SGCD: variants seen among roughly 807,000 people sequenced by gnomAD.
SGCD encodes the protein sarcoglycan delta.
SGCD carries 18 observed loss-of-function variants against 36.6 expected under a neutral mutation model. The ratio of observed to expected loss-of-function variants is 0.49; its 90% CI spans 0.34 to 0.73. The LOEUF is 0.73. Ranked by LOEUF, SGCD falls within the 30% of genes least tolerant of loss-of-function variation. The pLI is 0.01. For synonymous variants in SGCD, 133 were observed against 130.6 expected, an observed-to-expected ratio of 1.02 and a Z score of -0.12; for missense variants, 387 against 346.7, an observed-to-expected ratio of 1.12 and a Z score of -0.92.
chr5:156,329,775 T>C (rs1561623133), intron 2 of SGCD, among the ~76,000 whole-genome samples, 196 bp downstream of exon 2: 1 of 152,102 alleles, frequency 6.6e-6, no homozygotes, highest in Non-Finnish European at 1.5e-5. Flanking sequence ...CCCAGCACTT[T>C]GGGAGGCCGA....
intron 1 of SGCD, among the ~76,000 whole-genome samples, chr5:156,085,438 G>A (rs1761069128): frequency 6.6e-6 from 1 of 152,094 alleles, no homozygotes; most frequent in Non-Finnish European, 1.5e-5. Flanking sequence ...TCTGGCTTTT[G>A]CCATGTGAAG....
At chr5:156,077,658 C>G (rs973185142) in intron 1 of SGCD, among the ~76,000 whole-genome samples, 1 of 152,136 alleles carries the variant, frequency 6.6e-6, no homozygotes, top group African/African-American at 2.4e-5. Flanking sequence ...TCTCCTTCTT[C>G]TCCTCTCCAA....
intron 1 of SGCD, among the ~76,000 whole-genome samples, chr5:156,092,064 A>G (rs985186659): frequency 2.0e-5 from 3 of 152,222 alleles, no homozygotes; most frequent in East Asian, 1.9e-4. Context: ...GGCTGTTATC[A>G]GTGTTTCTTT....
intron 3 of SGCD, among the ~76,000 whole-genome samples, chr5:156,417,249 A>G (rs962578147): frequency 3.1e-4 from 47 of 152,184 alleles, no homozygotes; most frequent in South Asian, 1.0e-3. Context: ...CAAATGCCAC[A>G]TGTATACTTC....
intron 4 of SGCD, among the ~76,000 whole-genome samples, chr5:156,547,495 T>G (rs1340221099): frequency 1.3e-5 from 2 of 151,336 alleles, no homozygotes; most frequent in African/African-American, 4.9e-5. Context: ...CAGGCTGGAG[T>G]GCAGTGGTGC....
At chr5:155,996,853 CTGGA>C (rs201390010) in intron 1 of SGCD, among the ~76,000 whole-genome samples, 3 of 101,954 alleles carry the variant, frequency 2.9e-5, no homozygotes, top group African/African-American at 9.0e-5. Flanking sequence ...AATCTGATAT[CTGGA>C]TGGATGGATA....
At chr5:155,814,823 A>G in the SGCD span, among the ~76,000 whole-genome samples, 29 of 152,338 alleles carry the variant, frequency 1.9e-4, no homozygotes, top group East Asian at 5.6e-3. Context: ...AGTTACTACT[A>G]TTTTAGGAAA....
chr5:156,476,889 G>T (rs1755204383), intron 3 of SGCD, among the ~76,000 whole-genome samples: 1 of 152,126 alleles, frequency 6.6e-6, no homozygotes. Context: ...GGTTTGTCTT[G>T]AAATAGATCT....
At chr5:155,925,583 A>AT (rs1756980180) in intron 1 of SGCD, among the ~76,000 whole-genome samples, 1 of 151,940 alleles carries the variant, frequency 6.6e-6, no homozygotes, top group African/African-American at 2.4e-5. Flanking sequence ...TTCATATGGC[A>AT]TTTTGTTTGT....
chr5:156,082,937 T>A (rs570242600), intron 1 of SGCD, among the ~76,000 whole-genome samples: 1 of 152,012 alleles, frequency 6.6e-6, no homozygotes, highest in Non-Finnish European at 1.5e-5. Flanking sequence ...TTGTCGCTAA[T>A]TTTTTTTTTA....
At chr5:155,850,960 G>T in the SGCD span, among the ~76,000 whole-genome samples, 1 of 152,114 alleles carries the variant, frequency 6.6e-6, no homozygotes, top group East Asian at 1.9e-4. Flanking sequence ...ATGGGGTTGG[G>T]GGAAGTCTAG....
intron 3 of SGCD, among the ~76,000 whole-genome samples, chr5:156,204,006 A>G (rs1764211156): frequency 6.6e-6 from 1 of 152,156 alleles, no homozygotes. Context: ...CCAAGTTCTC[A>G]TCAAACTTAT....
At chr5:156,447,806 TAAAATA>T (rs1444379034) in intron 3 of SGCD, among the ~76,000 whole-genome samples, 1 of 152,176 alleles carries the variant, frequency 6.6e-6, no homozygotes, top group Non-Finnish European at 1.5e-5. Flanking sequence ...TCCCAGAACT[TAAAATA>T]AAAGTCATAG....
At chr5:155,988,097 G>A (rs116239456) in intron 1 of SGCD, among the ~76,000 whole-genome samples, 1,902 of 152,238 alleles carry the variant, frequency 0.012, 17 homozygotes, top group Non-Finnish European at 0.017. Flanking sequence ...GGCAGAAGAT[G>A]AGTTTAAACC....
At chr5:156,339,313 G>A (rs1172154709) in intron 2 of SGCD, among the ~76,000 whole-genome samples, 3 of 152,138 alleles carry the variant, frequency 2.0e-5, no homozygotes, top group Non-Finnish European at 2.9e-5. Flanking sequence ...TTATGAACAG[G>A]TCAACATTGA....
At chr5:156,419,260 T>C (rs1321950211) in intron 3 of SGCD, among the ~76,000 whole-genome samples, 1 of 152,150 alleles carries the variant, frequency 6.6e-6, no homozygotes, top group East Asian at 1.9e-4. Context: ...CAGCAAGAGA[T>C]GTATTTATCT....
intron 3 of SGCD, among the ~76,000 whole-genome samples, chr5:156,234,752 C>T: frequency 6.6e-6 from 1 of 152,122 alleles, no homozygotes; most frequent in East Asian, 1.9e-4. Flanking sequence ...TGGGTTTAGA[C>T]CCTAGGCAAA....
chr5:155,752,160 T>C, the SGCD span, among the ~76,000 whole-genome samples: 1 of 152,204 alleles, frequency 6.6e-6, no homozygotes, highest in African/African-American at 2.4e-5. Context: ...AAGTGTCATG[T>C]TCACTTAACT....
chr5:156,374,805 C>T (rs919519307), intron 3 of SGCD, among the ~76,000 whole-genome samples: 9 of 151,990 alleles, frequency 5.9e-5, no homozygotes, highest in African/African-American at 2.2e-4. Flanking sequence ...CCCTGACATG[C>T]TGACAGCATA....
Sources: allele counts gnomAD v4.1 joint callset (sites outside exome capture counted in the v4.1 genomes callset), GRCh38; gene constraint gnomAD v4.1.1; transcripts MANE v1.5; gene names NCBI Gene and HGNC (gene_info 2026-07-23, HGNC 2026-07-21).